The following XYLT1 variants were observed in gnomAD, a reference collection of about 807,000 sequenced individuals.
XYLT1 encodes the protein xylosyltransferase 1.
In XYLT1, 36 loss-of-function variants were observed where a neutral mutation model predicts 91.3. That is an observed-to-expected ratio of 0.39 (90% confidence interval 0.30 to 0.52). The LOEUF is 0.52. XYLT1 is among the 20% of genes least tolerant of loss of function. The pLI is 0.68. For synonymous variants in XYLT1, 588 were observed against 532.0 expected, an observed-to-expected ratio of 1.11 and a Z score of -1.45; for missense variants, 1,242 against 1,284.5, an observed-to-expected ratio of 0.97 and a Z score of 0.51.
intron 2 of XYLT1, among the ~76,000 whole-genome samples, chr16:17,325,932 A>C (rs1242155449): frequency 1.3e-5 from 2 of 152,218 alleles, no homozygotes; most frequent in Admixed American, 6.5e-5. Context: ...TATGTTCAGG[A>C]GGGACCTGAG....
At chr16:17,268,802 A>G (rs1312902832) in intron 2 of XYLT1, among the ~76,000 whole-genome samples, 4 of 151,628 alleles carry the variant, frequency 2.6e-5, no homozygotes, top group African/African-American at 9.7e-5. Flanking sequence ...CTTCCCAAGT[A>G]GCACGGATTA....
intron 2 of XYLT1, among the ~76,000 whole-genome samples, chr16:17,293,329 T>G (rs1489460160): frequency 6.6e-6 from 1 of 152,154 alleles, no homozygotes; most frequent in Non-Finnish European, 1.5e-5. Flanking sequence ...TCCGCTGACC[T>G]GGGAGCATCT....
At chr16:17,318,450 G>C (rs1183033388) in intron 2 of XYLT1, among the ~76,000 whole-genome samples, 1 of 152,190 alleles carries the variant, frequency 6.6e-6, no homozygotes, top group Non-Finnish European at 1.5e-5. Context: ...TATTACCAAG[G>C]CTCCCACACC....
chr16:17,408,160 A>T (rs915028481), intron 1 of XYLT1, among the ~76,000 whole-genome samples: 3 of 152,250 alleles, frequency 2.0e-5, no homozygotes, highest in African/African-American at 7.2e-5. Flanking sequence ...ATATACGATG[A>T]TAGCCTCTCA....
intron 10 of XYLT1, among the ~76,000 whole-genome samples, chr16:17,127,236 G>A (rs2030293336): frequency 6.6e-6 from 1 of 152,192 alleles, no homozygotes; most frequent in Admixed American, 6.5e-5. Context: ...GCTAAAAACT[G>A]TGGAGACAAA....
chr16:17,176,742 A>T (rs1284485540), intron 5 of XYLT1, among the ~76,000 whole-genome samples: 3 of 152,210 alleles, frequency 2.0e-5, no homozygotes, highest in African/African-American at 7.2e-5. Flanking sequence ...CCTGGTGGAA[A>T]GTAATTACCT....
intron 2 of XYLT1, among the ~76,000 whole-genome samples, chr16:17,261,241 C>CA (rs10573500): frequency 0.022 from 2,109 of 96,366 alleles, 24 homozygotes; most frequent in Non-Finnish European, 0.03. Flanking sequence ...AACTGGCTCT[C>CA]AAAAAAAAAA....
chr16:17,180,058 C>G (rs1159977702), intron 5 of XYLT1, among the ~76,000 whole-genome samples: 1 of 152,210 alleles, frequency 6.6e-6, no homozygotes, highest in Non-Finnish European at 1.5e-5. Context: ...AAGGTCCCAT[C>G]TCACCAGATG....
intron 2 of XYLT1, among the ~76,000 whole-genome samples, chr16:17,324,351 CG>C (rs2034768477): frequency 6.6e-6 from 1 of 152,132 alleles, no homozygotes; most frequent in African/African-American, 2.4e-5. Context: ...ATGACACATG[CG>C]GTGAGGACCT....
chr16:17,234,358 G>A (rs1210572641), intron 3 of XYLT1, among the ~76,000 whole-genome samples: 7 of 152,026 alleles, frequency 4.6e-5, no homozygotes, highest in African/African-American at 1.5e-4. Flanking sequence ...CTTTATCCCC[G>A]CTTAACTGTT....
At chr16:17,131,040 C>A (rs74570941) in intron 9 of XYLT1, among the ~76,000 whole-genome samples, 46 of 151,850 alleles carry the variant, frequency 3.0e-4, no homozygotes, top group Admixed American at 3.0e-3. Context: ...TGTCTGTCTG[C>A]ACACTAGAAT....
In XYLT1 at chr16:17,459,316, G is replaced by A. The variant is rs1029185066; in HGVS notation, c.363+11118C>T. Among the ~76,000 whole-genome samples, 7 of 152,230 alleles carry A rather than the reference G, an allele frequency of 4.6e-5. No individual in the cohort carries two copies. In the East Asian group the frequency reaches 1.2e-3, roughly 25 times the overall value. Reference sequence around the variant, plus strand: ...GAGCCTGCGAGGTCAAGGTTGCAGTGAGCTGAGATCAAACCACTGCATTCT... The same window carrying A: ...GAGCCTGCGAGGTCAAGGTTGCAGTAAGCTGAGATCAAACCACTGCATTCT... On this transcript the variant is annotated intron_variant, in intron 1 of 11. Coordinates refer to ENST00000261381, the MANE Select transcript of XYLT1 (RefSeq NM_022166.4).
At chr16:17,331,396 T>C (rs969096663) in intron 2 of XYLT1, among the ~76,000 whole-genome samples, 1 of 152,218 alleles carries the variant, frequency 6.6e-6, no homozygotes, top group African/African-American at 2.4e-5. Context: ...AATGAGCCAA[T>C]GTCTGCCTCT....
At chr16:17,144,130 A>G (rs2031068080) in intron 6 of XYLT1, among the ~76,000 whole-genome samples, 1 of 149,116 alleles carries the variant, frequency 6.7e-6, no homozygotes, top group Admixed American at 6.6e-5. Context: ...TTCTGTGATT[A>G]CTGTCTACCC....
chr16:17,283,624 A>G (rs1281105421), intron 2 of XYLT1, among the ~76,000 whole-genome samples: 2 of 152,236 alleles, frequency 1.3e-5, no homozygotes, highest in Non-Finnish European at 2.9e-5. Context: ...AATGACAACA[A>G]TGAAAGACCC....
chr16:17,408,567 C>A (rs1009705498), intron 1 of XYLT1, among the ~76,000 whole-genome samples: 1 of 152,090 alleles, frequency 6.6e-6, no homozygotes. Flanking sequence ...AAGAATAGGC[C>A]GGGGATGGTG....
At position 17,184,125 on chromosome 16, in the gene XYLT1, T is replaced by G. The variant is rs187518474; in HGVS notation, c.1289+14087A>C. 2.0e-3 allele frequency among the ~76,000 whole-genome samples: 303 copies of G among 147,980 alleles called. 1 individual carries two copies. Among genetic ancestry groups the G allele is most frequent in the African/African-American group, 7.3e-3 (294 of 40,078 alleles). On this transcript the variant is annotated intron_variant, in intron 5 of 11. Coordinates refer to ENST00000261381, the MANE Select transcript of XYLT1 (RefSeq NM_022166.4). ...AAATTCCCAGGATGCACTTGGAGCA[T>G]CCCAGCATGGATACCGTCCATACTC...
intron 1 of XYLT1, among the ~76,000 whole-genome samples, chr16:17,403,184 T>G (rs1234618896): frequency 6.6e-6 from 1 of 152,166 alleles, no homozygotes; most frequent in African/African-American, 2.4e-5. Context: ...CTATGGATTT[T>G]ATGGGAATAC....
rs2141777124 is a variant in XYLT1, at chr16:17,274,342, T to C, written c.403-14844A>G. 2.0e-5 allele frequency among the ~76,000 whole-genome samples: 3 copies of C among 152,284 alleles called. No homozygotes were observed. The Middle Eastern group carries it at 0.01, about 518-fold the overall frequency. On this transcript the variant is annotated intron_variant, in intron 2 of 11. Coordinates refer to ENST00000261381, the MANE Select transcript of XYLT1 (RefSeq NM_022166.4). ...AGGCTGGATTTCATTTCTGGTTGGGTGAAAGGAATGTTTTAAAAGATTTGT... is the reference window on the plus strand; with the variant it reads ...AGGCTGGATTTCATTTCTGGTTGGGCGAAAGGAATGTTTTAAAAGATTTGT...
Sources: allele counts gnomAD v4.1 joint callset (sites outside exome capture counted in the v4.1 genomes callset), GRCh38; gene constraint gnomAD v4.1.1; transcripts MANE v1.5; gene names NCBI Gene and HGNC (gene_info 2026-07-23, HGNC 2026-07-21).